Variants in LRCH1 observed in about 807,000 individuals in gnomAD.
LRCH1 encodes leucine-rich repeat and calponin homology domain-containing protein 1.
LRCH1 carries 23 observed loss-of-function variants against 94.9 expected under a neutral mutation model. The ratio of observed to expected loss-of-function variants is 0.24; its 90% CI spans 0.17 to 0.34. The LOEUF is 0.34. LRCH1 is among the 10% of genes least tolerant of loss of function. The probability of loss-of-function intolerance (pLI) is 1.00; values close to 1 mark genes in which losing one functional copy is unlikely to be tolerated. For missense variants in LRCH1, 790 were observed against 945.9 expected, an observed-to-expected ratio of 0.84 and a Z score of 2.16; for synonymous variants, 364 against 354.9, an observed-to-expected ratio of 1.03 and a Z score of -0.29.
intron 4 of LRCH1, among the ~76,000 whole-genome samples, chr13:46,682,989 A>AGT (rs1870422857): frequency 6.6e-6 from 1 of 152,338 alleles, no homozygotes; most frequent in South Asian, 2.1e-4. Flanking sequence ...TGGAACCCTG[A>AGT]ATGCTTTCTC....
intron 2 of LRCH1, among the ~76,000 whole-genome samples, chr13:46,667,598 G>A (rs982596760): frequency 3.3e-5 from 5 of 151,574 alleles, no homozygotes; most frequent in African/African-American, 7.3e-5. Context: ...AATGGGTGCA[G>A]TACACCAACA....
At chr13:46,715,687 T>A (rs1365498520) in intron 16 of LRCH1, 23 bp downstream of exon 16, 1 of 1,395,682 alleles carries the variant, frequency 7.2e-7, no homozygotes, top group Non-Finnish European at 9.8e-7. Flanking sequence ...GTACCTATTC[T>A]CCAATGTTCT....
In LRCH1 at chr13:46,553,517, GC is replaced by G; in HGVS notation, c.126del (p.Gly43AlafsTer17). 6.5e-7 allele frequency: 1 copy of G among 1,546,184 alleles called. No individual in the cohort carries two copies. Among genetic ancestry groups the G allele is most frequent in the Non-Finnish European group, 8.7e-7 (1 of 1,144,796 alleles). On this transcript the variant is annotated frameshift_variant, in exon 1 of 20. Transcript: ENST00000389797. LOFTEE classifies it high-confidence loss of function. Reference sequence around the variant, plus strand: ...CCATCAGCACCACGGAGGAACCGGCGCCCCCGGCGGGGCGGGTGGTGGCGGC... The same window carrying G: ...CCATCAGCACCACGGAGGAACCGGCGCCCCGGCGGGGCGGGTGGTGGCGGC... The part of the protein sequence containing the change: ...HHHQHHGGTG[A>X]PGGAGGGGGG...
chr13:46,555,927 G>A (rs17270806), intron 1 of LRCH1, among the ~76,000 whole-genome samples: 35 of 152,176 alleles, frequency 2.3e-4, no homozygotes, highest in Non-Finnish European at 4.4e-4. Flanking sequence ...AGACCAGAAA[G>A]CAAAATAAAG....
intron 4 of LRCH1, among the ~76,000 whole-genome samples, chr13:46,685,584 T>G (rs1281260578): frequency 6.6e-6 from 1 of 152,140 alleles, no homozygotes; most frequent in African/African-American, 2.4e-5. Flanking sequence ...AAACATGTCC[T>G]GTGTGATGTG....
chr13:46,590,529 G>A (rs534040079), intron 1 of LRCH1, among the ~76,000 whole-genome samples: 1 of 152,262 alleles, frequency 6.6e-6, no homozygotes, highest in South Asian at 2.1e-4. Flanking sequence ...GCCAGGCGTG[G>A]TGGCTCACAC....
rs1003377514 is a variant in LRCH1, at chr13:46,611,830, T to A, written c.308-38371T>A. On this transcript the variant is annotated intron_variant, in intron 1 of 19. Coordinates refer to ENST00000389797, the MANE Select transcript of LRCH1 (RefSeq NM_001164211.2). ...TTAAAATTGTGATGACTATAAAATTTGAAATTGCATAGGTGGCTTACATAA... is the reference window on the plus strand; with the variant it reads ...TTAAAATTGTGATGACTATAAAATTAGAAATTGCATAGGTGGCTTACATAA... 2.0e-5 allele frequency among the ~76,000 whole-genome samples: 3 copies of A among 152,226 alleles called. No individual in the cohort carries two copies. In the East Asian group the frequency reaches 5.8e-4, roughly 29 times the overall value.
At chr13:46,718,437 G>A (rs144256378) in intron 16 of LRCH1, among the ~76,000 whole-genome samples, 129 of 152,248 alleles carry the variant, frequency 8.5e-4, no homozygotes, top group Non-Finnish European at 1.5e-3. Flanking sequence ...TCACCTGGGC[G>A]TTTTGTAAAA....
chr13:46,711,652 A>G, intron 13 of LRCH1, 139 bp from the exon 14 acceptor site: 1 of 582,422 alleles, frequency 1.7e-6, no homozygotes, highest in Middle Eastern at 2.7e-4. Flanking sequence ...GTTACTGAAC[A>G]CACTAACTAA....
intron 3 of LRCH1, among the ~76,000 whole-genome samples, chr13:46,672,817 T>C (rs911034528): frequency 6.6e-6 from 1 of 152,198 alleles, no homozygotes; most frequent in Non-Finnish European, 1.5e-5. Flanking sequence ...TAGGGGATTG[T>C]AAAAGGCATT....
At chr13:46,580,219 A>G (rs2050349683) in intron 1 of LRCH1, among the ~76,000 whole-genome samples, 1 of 152,228 alleles carries the variant, frequency 6.6e-6, no homozygotes, top group Non-Finnish European at 1.5e-5. Flanking sequence ...TCACTGAAGG[A>G]GTTCTAAAAC....
intron 1 of LRCH1, among the ~76,000 whole-genome samples, chr13:46,586,693 A>G (rs1020510709): frequency 2.0e-5 from 3 of 152,230 alleles, no homozygotes; most frequent in Non-Finnish European, 4.4e-5. Context: ...TGCTGGGATT[A>G]CAGGCGTGAG....
chr13:46,739,509 A>G (rs924863858), intron 19 of LRCH1, among the ~76,000 whole-genome samples: 8 of 152,212 alleles, frequency 5.3e-5, no homozygotes, highest in Non-Finnish European at 1.2e-4. Context: ...CAGTAAGGCT[A>G]AATTTTGGAA....
rs1179025320 is a variant in LRCH1 at position 46,553,717 on chromosome 13, G to A, written c.307+14G>A. 3 of 1,606,912 alleles carry A rather than the reference G, an allele frequency of 1.9e-6. No homozygotes were observed. Among genetic ancestry groups the A allele is most frequent in the South Asian group, 2.2e-5 (2 of 90,182 alleles). The stretch of plus-strand genomic sequence containing the variant: ...CGGTGCAGGCAGGTGAGTGAGGGCC[G>A]AGGGGCGGGCAGGGGTGTGGGTGCT... On this transcript the variant is annotated intron_variant, in intron 1 of 19. Transcript: ENST00000389797.
At chr13:46,706,204 A>T (rs1351190308) in intron 13 of LRCH1, among the ~76,000 whole-genome samples, 1 of 152,256 alleles carries the variant, frequency 6.6e-6, no homozygotes, top group Non-Finnish European at 1.5e-5. Context: ...ATTAGGTATC[A>T]GTCCCATCTC....
intron 1 of LRCH1, among the ~76,000 whole-genome samples, chr13:46,561,889 C>T (rs1349437517): frequency 1.3e-5 from 2 of 152,222 alleles, no homozygotes; most frequent in Admixed American, 6.5e-5. Flanking sequence ...CTGAATCATA[C>T]ATGACCTTAA....
chr13:46,626,572 A>G (rs1436403095), intron 1 of LRCH1, among the ~76,000 whole-genome samples: 1 of 152,218 alleles, frequency 6.6e-6, no homozygotes, highest in Non-Finnish European at 1.5e-5. Flanking sequence ...CCCAAAACCT[A>G]TAAGAACTAA....
At chr13:46,614,124 C>T (rs1056860925) in intron 1 of LRCH1, among the ~76,000 whole-genome samples, 5 of 151,518 alleles carry the variant, frequency 3.3e-5, no homozygotes, top group Admixed American at 6.6e-5. Flanking sequence ...TTTTTTGTGG[C>T]GAGAGTACCT....
intron 1 of LRCH1, among the ~76,000 whole-genome samples, chr13:46,625,751 T>G (rs1311964693): frequency 6.7e-6 from 1 of 150,330 alleles, no homozygotes; most frequent in Non-Finnish European, 1.5e-5. Context: ...CCTCCTGGGC[T>G]CAGGTGATTC....
Sources: gnomAD v4.1 joint callset for allele counts (sites outside exome capture counted in the v4.1 genomes callset) on GRCh38, gnomAD v4.1.1 for gene constraint, MANE v1.5 for transcripts, NCBI Gene and HGNC (gene_info 2026-07-23, HGNC 2026-07-21) for gene names.